The following ANKRD28 variants were observed in gnomAD, a reference collection of about 807,000 sequenced individuals.
The protein encoded by ANKRD28 is ankyrin repeat domain 28.
Under a neutral mutation model 126.5 loss-of-function variants are expected in ANKRD28, and 44 were observed. That is an observed-to-expected ratio of 0.35 (90% CI 0.27 to 0.45). The LOEUF (loss-of-function observed/expected upper bound fraction) is 0.45, where lower values mean the gene tolerates loss of function less well. Ranked by LOEUF, ANKRD28 falls within the 20% of genes least tolerant of loss-of-function variation. ANKRD28 has a pLI of 1.00. For synonymous variants in ANKRD28, 442 were observed against 468.5 expected (o/e 0.94, Z 0.73); for missense variants, 1,110 against 1,316.6 (o/e 0.84, Z 2.43).
At chr3:15,773,855 TA>T (rs1351595817) in intron 2 of ANKRD28, among the ~76,000 whole-genome samples, 1 of 151,872 alleles carries the variant, frequency 6.6e-6, no homozygotes, top group Non-Finnish European at 1.5e-5. Flanking sequence ...AAAGACAAAC[TA>T]AAAAGGCAGA....
At chr3:15,684,175 T>C (rs1055050372) in intron 21 of ANKRD28, 2 of 152,242 alleles carry the variant, frequency 1.3e-5, no homozygotes, top group African/African-American at 4.8e-5. Flanking sequence ...TTTTCTAAGA[T>C]GATCAAATCT....
At chr3:15,702,413 T>C (rs1041479397) in intron 14 of ANKRD28, among the ~76,000 whole-genome samples, 5 of 152,226 alleles carry the variant, frequency 3.3e-5, no homozygotes, top group African/African-American at 1.2e-4. Flanking sequence ...GTTCATTTTA[T>C]GAAACGCAGA....
chr3:15,839,498 T>C lies in ANKRD28; in HGVS notation c.27+19879A>G, dbSNP rs2061388529. 1.3e-5 allele frequency among the ~76,000 whole-genome samples: 2 copies of C among 152,068 alleles called. No individual in the cohort carries two copies. The highest frequency in any genetic ancestry group is 6.5e-5 in the Admixed American group (1 of 15,270). ...CTATAATCACATTTCAGAATCAATG[T>C]GGCTCAGATAGAGGGCTACTTGAAG... On this transcript the variant is annotated intron_variant, in intron 1 of 27. Transcript: ENST00000399451. The surrounding 1 kb of genome is among the most constrained non-coding windows in gnomAD (Gnocchi z 4.3).
intron 18 of ANKRD28, 129 bp downstream of exon 18, chr3:15,689,890 C>A: frequency 1.3e-6 from 1 of 771,602 alleles, no homozygotes; most frequent in South Asian, 2.0e-5. Context: ...GTCAAATAAT[C>A]CATATATGAT....
intron 17 of ANKRD28, among the ~76,000 whole-genome samples, chr3:15,693,422 G>C (rs2069081667): frequency 0.017 from 1 of 60 alleles, no homozygotes; most frequent in Non-Finnish European, 0.033. Flanking sequence ...CAAATTGAAG[G>C]GTGGGGTAGA....
At chr3:15,747,807 C>T (rs145434351) in intron 4 of ANKRD28, among the ~76,000 whole-genome samples, 73 of 152,268 alleles carry the variant, frequency 4.8e-4, no homozygotes, top group Admixed American at 1.8e-3. Flanking sequence ...AAGTCCCCCA[C>T]TATTATTGTG....
intron 6 of ANKRD28, among the ~76,000 whole-genome samples, chr3:15,724,851 T>C (rs2074036749): frequency 6.6e-6 from 1 of 152,100 alleles, no homozygotes. Flanking sequence ...TATGGTGGCA[T>C]GCACCTGTAG....
Position 15,814,476 on chromosome 3 carries a change from C to A in ANKRD28, c.28-19170G>T, listed in dbSNP as rs563600701. Among the ~76,000 whole-genome samples, 99 of 152,060 alleles carry A rather than the reference C, an allele frequency of 6.5e-4. No homozygotes were observed. The highest frequency in any genetic ancestry group is 1.2e-3 in the Non-Finnish European group (82 of 67,942). ...TCAGAATTTACTTTTATCCTTCTATCAAGAAAAAAAATACTAATCTGGGCA... is the reference window on the plus strand; with the variant it reads ...TCAGAATTTACTTTTATCCTTCTATAAAGAAAAAAAATACTAATCTGGGCA... On this transcript the variant is annotated intron_variant, in intron 1 of 27. Coordinates refer to the ANKRD28 transcript ENST00000399451. This position sits in a 1 kb window ranked among gnomAD's most constrained non-coding sequence, Gnocchi z 4.7.
intron 12 of ANKRD28, among the ~76,000 whole-genome samples, chr3:15,710,235 CTG>C (rs1402998079): frequency 6.6e-6 from 1 of 152,162 alleles, no homozygotes; most frequent in Non-Finnish European, 1.5e-5. Flanking sequence ...TATACTATGA[CTG>C]TTTACATATA....
chr3:15,828,745 C>G (rs989239861), intron 1 of ANKRD28, among the ~76,000 whole-genome samples: 23 of 152,096 alleles, frequency 1.5e-4, no homozygotes, highest in African/African-American at 5.6e-4. Flanking sequence ...CACAGGTTTG[C>G]ACCACGCTGC....
chr3:15,829,129 T>C (rs907828787), intron 1 of ANKRD28, among the ~76,000 whole-genome samples: 1 of 152,206 alleles, frequency 6.6e-6, no homozygotes, highest in Admixed American at 6.5e-5. Flanking sequence ...TCTACTGATG[T>C]CTACTGTATT....
At chr3:15,827,318 C>T (rs2061089013) in intron 1 of ANKRD28, among the ~76,000 whole-genome samples, 1 of 152,106 alleles carries the variant, frequency 6.6e-6, no homozygotes, top group Admixed American at 6.5e-5. Context: ...TGTGCACTCA[C>T]ACTTTCATTA....
intron 6 of ANKRD28, 106 bp from the exon 7 acceptor site, chr3:15,724,630 G>T: frequency 9.9e-7 from 1 of 1,011,134 alleles, no homozygotes; most frequent in Non-Finnish European, 1.4e-6. Context: ...AATAGATGAT[G>T]CATGACAAGT....
chr3:15,700,459 A>C (rs1158515504), intron 14 of ANKRD28, among the ~76,000 whole-genome samples: 2 of 29,594 alleles, frequency 6.8e-5, no homozygotes, highest in Non-Finnish European at 2.4e-4. Context: ...GTATAATGAC[A>C]AAAAAAAAAA....
At chr3:15,821,068 G>A (rs547054398) in intron 1 of ANKRD28, among the ~76,000 whole-genome samples, 16 of 152,214 alleles carry the variant, frequency 1.1e-4, no homozygotes, top group African/African-American at 3.9e-4. Context: ...CGGATGTTTA[G>A]TAGCATCTCT....
At chr3:15,858,906 G>GT (rs2061833807) in intron 1 of ANKRD28, among the ~76,000 whole-genome samples, 1 of 152,224 alleles carries the variant, frequency 6.6e-6, no homozygotes, top group Non-Finnish European at 1.5e-5. Context: ...CTTGCATTGA[G>GT]TAACTAGTCG....
chr3:15,755,667 A>G (rs1172826441), intron 3 of ANKRD28, among the ~76,000 whole-genome samples: 1 of 152,206 alleles, frequency 6.6e-6, no homozygotes, highest in Non-Finnish European at 1.5e-5. Flanking sequence ...AACCATACCC[A>G]CTTAAAACAA....
intron 1 of ANKRD28, among the ~76,000 whole-genome samples, chr3:15,809,975 C>T (rs967613282): frequency 3.3e-5 from 5 of 152,126 alleles, no homozygotes; most frequent in African/African-American, 1.2e-4. Flanking sequence ...CCTCCCACCT[C>T]CTCATCCACA....
intron 3 of ANKRD28, chr3:15,756,553 T>G: frequency 7.2e-6 from 7 of 978,910 alleles, no homozygotes; most frequent in Non-Finnish European, 8.5e-6. Context: ...GACACAGTCA[T>G]GGGTTAGTGG....
Sources: gnomAD v4.1 joint callset for allele counts (sites outside exome capture counted in the v4.1 genomes callset) on GRCh38, gnomAD v4.1.1 for gene constraint, Gnocchi (gnomAD v3.1) non-coding constraint, MANE v1.5 for transcripts, NCBI Gene and HGNC (gene_info 2026-07-23, HGNC 2026-07-21) for gene names.